The following UBR3 variants were observed in gnomAD, a reference collection of about 807,000 sequenced individuals.
UBR3 encodes ubiquitin protein ligase E3 component n-recognin 3.
In UBR3, 85 loss-of-function variants were observed where a neutral mutation model predicts 243.2. The ratio of observed to expected loss-of-function variants is 0.35; its 90% confidence interval spans 0.29 to 0.42. The LOEUF (loss-of-function observed/expected upper bound fraction) is 0.42. Ranked by LOEUF, UBR3 falls within the 10% of genes least tolerant of loss-of-function variation. The pLI, the probability that UBR3 is intolerant of heterozygous loss-of-function variation, is 1.00. For missense variants in UBR3, 1,686 were observed against 2,300.8 expected (o/e 0.73, Z 5.47); for synonymous variants, 748 against 799.8 (o/e 0.94, Z 1.09).
At chr2:170,041,088 A>G in intron 32 of UBR3, 103 bp downstream of exon 32, 1 of 1,133,742 alleles carries the variant, frequency 8.8e-7, no homozygotes. Context: ...CATGCTTGTA[A>G]TCCCCGCACT....
intron 5 of UBR3, among the ~76,000 whole-genome samples, chr2:169,887,252 C>T (rs1451758718): frequency 6.6e-6 from 1 of 152,176 alleles, no homozygotes; most frequent in Non-Finnish European, 1.5e-5. Context: ...CTTCCATGCT[C>T]AGGGTCTATT....
chr2:169,890,557 A>ATATATG (rs2084312543), intron 5 of UBR3, among the ~76,000 whole-genome samples: 1 of 93,968 alleles, frequency 1.1e-5, no homozygotes, highest in African/African-American at 4.7e-5. Flanking sequence ...ATATATATAT[A>ATATATG]TATATATGTG....
intron 31 of UBR3, among the ~76,000 whole-genome samples, chr2:170,031,564 G>A (rs1003426550): frequency 6.6e-6 from 1 of 152,040 alleles, no homozygotes; most frequent in African/African-American, 2.4e-5. Context: ...GAGGGTACAT[G>A]TGCAGGTTTG....
intron 3 of UBR3, among the ~76,000 whole-genome samples, 168 bp from the exon 4 acceptor site, chr2:169,877,326 T>C (rs2083656490): frequency 6.6e-6 from 1 of 152,246 alleles, no homozygotes. Context: ...GGATTGTTAG[T>C]GCTAAACATA....
chr2:169,936,430 C>G (rs2086331778), intron 19 of UBR3, among the ~76,000 whole-genome samples: 1 of 152,030 alleles, frequency 6.6e-6, no homozygotes, highest in African/African-American at 2.4e-5. Flanking sequence ...GCATATTTCT[C>G]TGATATATTA....
intron 29 of UBR3, 31 bp downstream of exon 29, chr2:170,008,971 T>G (rs772792891): frequency 8.2e-6 from 11 of 1,349,202 alleles, no homozygotes; most frequent in South Asian, 1.6e-5. Flanking sequence ...CTTTTTAGTT[T>G]ACTTACTATT....
At chr2:169,870,139 T>C (rs573528911) in intron 1 of UBR3, among the ~76,000 whole-genome samples, 136 of 152,204 alleles carry the variant, frequency 8.9e-4, no homozygotes, top group Non-Finnish European at 2.2e-4. Context: ...TCGTATATAG[T>C]ATAAGATAGG....
rs1457291936 is a variant in UBR3 at position 169,827,887 on chromosome 2, A to G, written c.380A>G (p.Asn127Ser). Reference protein sequence around the residue: ...AALCGLVWTANFVAYRCRTCG... With the variant: ...AALCGLVWTASFVAYRCRTCG... ...CTCTGCGGCCTGGTCTGGACAGCCA[A>G]CTTCGTGGCCTACCGCTGCCGGACG... is the stretch of plus-strand genomic sequence containing the variant. Residue 127 changes from asparagine (N) to serine (S), a missense_variant, in exon 1 of 39, where the codon AAC (asparagine) becomes AGC (serine). Physicochemically the swap from Asn to Ser is conservative, Grantham distance 46. Transcript: ENST00000272793. 1.3e-6 allele frequency: 2 copies of G among 1,518,766 alleles called. No homozygotes were observed. The highest frequency in any genetic ancestry group is 1.7e-4 in the Middle Eastern group (1 of 5,946). 94.1% of individuals were successfully genotyped at this position (1,518,766 alleles called of 1,614,324 possible).
intron 1 of UBR3, among the ~76,000 whole-genome samples, chr2:169,846,709 C>CAAAA (rs58234876): frequency 8.7e-6 from 1 of 114,724 alleles, no homozygotes. Flanking sequence ...GACTCTGTCT[C>CAAAA]AAAAAAAAAA....
At chr2:169,980,599 T>C (rs2088678013) in intron 24 of UBR3, among the ~76,000 whole-genome samples, 1 of 152,030 alleles carries the variant, frequency 6.6e-6, no homozygotes, top group South Asian at 2.1e-4. Flanking sequence ...AGCACACCCA[T>C]TGCCCAGATC....
intron 24 of UBR3, among the ~76,000 whole-genome samples, chr2:169,985,350 T>C (rs1269520527): frequency 6.6e-6 from 1 of 151,952 alleles, no homozygotes; most frequent in African/African-American, 2.4e-5. Context: ...TGCCTTAGCC[T>C]TCCAAGTAGC....
intron 1 of UBR3, among the ~76,000 whole-genome samples, chr2:169,841,688 C>T (rs577362413): frequency 4.6e-4 from 70 of 152,342 alleles, no homozygotes; most frequent in Non-Finnish European, 8.2e-4. Flanking sequence ...CCAGTGGCTG[C>T]GGAGGGTGTA....
At chr2:169,912,395 T>C (rs1003613042) in intron 10 of UBR3, among the ~76,000 whole-genome samples, 2 of 152,156 alleles carry the variant, frequency 1.3e-5, no homozygotes, top group Admixed American at 6.5e-5. Flanking sequence ...TGGAAACCAC[T>C]AATCTTCTTT....
chr2:169,944,249 GTTA>G (rs1310654200), intron 20 of UBR3, among the ~76,000 whole-genome samples: 1 of 152,022 alleles, frequency 6.6e-6, no homozygotes, highest in Non-Finnish European at 1.5e-5. Context: ...TGAAAGTTCT[GTTA>G]TTATTCTCCT....
intron 32 of UBR3, among the ~76,000 whole-genome samples, chr2:170,042,311 G>A (rs895653781): frequency 2.6e-5 from 4 of 151,884 alleles, no homozygotes; most frequent in Non-Finnish European, 5.9e-5. Flanking sequence ...CATTTATCTC[G>A]ATGGCTTGGT....
chr2:170,001,249 AAT>A, intron 26 of UBR3, 53 bp from the exon 27 acceptor site: 1 of 1,263,050 alleles, frequency 7.9e-7, no homozygotes, highest in Non-Finnish European at 1.1e-6. Flanking sequence ...CTAATATTTA[AAT>A]ATGTTTGTAC....
intron 1 of UBR3, among the ~76,000 whole-genome samples, chr2:169,836,548 C>G (rs2082119316): frequency 6.6e-6 from 1 of 151,490 alleles, no homozygotes; most frequent in Admixed American, 6.6e-5. Context: ...GGCTTCATAC[C>G]TAGTTGATGA....
At chr2:169,957,923 C>T (rs190097148) in intron 23 of UBR3, among the ~76,000 whole-genome samples, 19 of 152,180 alleles carry the variant, frequency 1.2e-4, no homozygotes, top group East Asian at 9.6e-4. Context: ...CTAGTAGAAA[C>T]GGGGAAACTT....
At chr2:169,906,238 T>C in intron 10 of UBR3, 74 bp downstream of exon 10, 1 of 1,458,466 alleles carries the variant, frequency 6.9e-7, no homozygotes, top group Non-Finnish European at 9.1e-7. Flanking sequence ...TGTTCATTTG[T>C]ATATAATGTG....
Sources: gnomAD v4.1 joint callset for allele counts (sites outside exome capture counted in the v4.1 genomes callset) on GRCh38, gnomAD v4.1.1 for gene constraint, MANE v1.5 for transcripts, NCBI Gene and HGNC (gene_info 2026-07-23, HGNC 2026-07-21) for gene names.